The following TLN2 variants were observed in gnomAD, a reference collection of about 807,000 sequenced individuals.
TLN2 encodes the protein talin-2.
In TLN2, 118 loss-of-function variants were observed where a neutral mutation model predicts 294.7. That is an observed-to-expected ratio of 0.40 (90% CI 0.34 to 0.47). The LOEUF (loss-of-function observed/expected upper bound fraction) is 0.47, where lower values mean the gene tolerates loss of function less well. TLN2 is among the 20% of genes least tolerant of loss of function. The probability of loss-of-function intolerance (pLI) is 0.84; values close to 1 mark genes in which losing one functional copy is unlikely to be tolerated. For synonymous variants in TLN2, 1,431 were observed against 1,304.5 expected (o/e 1.10, Z -2.09); for missense variants, 3,083 against 3,282.2 (o/e 0.94, Z 1.48).
At position 62,762,338 on chromosome 15, in the gene TLN2, A is replaced by T; in HGVS notation, c.4846A>T (p.Ile1616Phe). 6.2e-7 allele frequency: 1 copy of T among 1,614,170 alleles called. No individual in the cohort carries two copies. Reference sequence around the variant, plus strand: ...CATGCTGGAGAGTTCATCGTACCTCATTCGCACTGCACGCTCTCTGGCCAT... The same window carrying T: ...CATGCTGGAGAGTTCATCGTACCTCTTTCGCACTGCACGCTCTCTGGCCAT... Reference protein sequence around the residue: ...KTMLESSSYLIRTARSLAINP... With the variant: ...KTMLESSSYLFRTARSLAINP... The change falls in exon 39 of 59, where the codon ATT becomes TTT. Residue 1616 changes from isoleucine to phenylalanine, a missense_variant. Transcript: ENST00000636159.
At chr15:62,767,273 A>C (rs1305322030) in intron 41 of TLN2, among the ~76,000 whole-genome samples, 1 of 152,164 alleles carries the variant, frequency 6.6e-6, no homozygotes, top group Non-Finnish European at 1.5e-5. Context: ...TGAAATCTCA[A>C]AGGCCAGTGT....
chr15:62,599,744 C>T (rs953175013), intron 2 of TLN2, among the ~76,000 whole-genome samples: 5 of 152,104 alleles, frequency 3.3e-5, no homozygotes, highest in Admixed American at 2.6e-4. Flanking sequence ...CCAGGTGGTC[C>T]GGATGCTTGG....
chr15:62,498,506 A>T (rs2140424129), intron 1 of TLN2, among the ~76,000 whole-genome samples: 1 of 152,254 alleles, frequency 6.6e-6, no homozygotes, highest in Non-Finnish European at 1.5e-5. Flanking sequence ...AGGCAAAAGT[A>T]TCTGGATTTC....
chr15:62,499,606 CTTCT>C (rs1000525513), intron 1 of TLN2, among the ~76,000 whole-genome samples: 2 of 152,050 alleles, frequency 1.3e-5, no homozygotes, highest in African/African-American at 2.4e-5. Flanking sequence ...CAAGGTTTCT[CTTCT>C]TTGTTTTTGA....
chr15:62,726,140 G>A (rs1007973678), intron 27 of TLN2, among the ~76,000 whole-genome samples: 19 of 152,152 alleles, frequency 1.2e-4, no homozygotes, highest in Non-Finnish European at 2.4e-4. Flanking sequence ...AGAGAGGCTG[G>A]CATGACATGT....
At chr15:62,409,864 C>T (rs887781258) in intron 1 of TLN2, among the ~76,000 whole-genome samples, 21 of 152,160 alleles carry the variant, frequency 1.4e-4, no homozygotes, top group African/African-American at 5.1e-4. Context: ...GCAGATGTTT[C>T]CACAAATGAA....
intron 11 of TLN2, among the ~76,000 whole-genome samples, chr15:62,679,939 T>G (rs372544487): frequency 1.4e-4 from 22 of 152,356 alleles, no homozygotes; most frequent in African/African-American, 4.3e-4. Flanking sequence ...AGTGCTATTC[T>G]TCCTCCATCG....
chr15:62,551,197 G>A (rs2042277367), intron 1 of TLN2, among the ~76,000 whole-genome samples: 2 of 152,126 alleles, frequency 1.3e-5, no homozygotes, highest in African/African-American at 4.8e-5. Flanking sequence ...GTGATGGGGA[G>A]CAGTTGTAAA....
intron 1 of TLN2, among the ~76,000 whole-genome samples, chr15:62,513,871 T>C (rs1019585736): frequency 6.6e-6 from 1 of 152,246 alleles, no homozygotes; most frequent in Non-Finnish European, 1.5e-5. Flanking sequence ...TAAAAGCCTG[T>C]AGCCTTGTGT....
intron 1 of TLN2, among the ~76,000 whole-genome samples, chr15:62,529,126 C>T (rs1052992395): frequency 1.3e-5 from 2 of 151,276 alleles, no homozygotes; most frequent in African/African-American, 2.4e-5. Flanking sequence ...GACAGCTTTG[C>T]TCTGTTGCCC....
Position 62,546,293 on chromosome 15 carries a change from A to G in TLN2, c.-237-43394A>G, listed in dbSNP as rs555320403. 3.0e-4 allele frequency among the ~76,000 whole-genome samples: 45 copies of G among 152,296 alleles called. No individual in the cohort carries two copies. The South Asian group carries it at 3.5e-3, about 12-fold the overall frequency. ...TTTTCCTTTAAGAAGCCTCCAGACA[A>G]GTGAGCTGGGGCACGGCTAATCTTC... On this transcript the variant is annotated intron_variant, in intron 1 of 58. Coordinates refer to ENST00000636159, the MANE Select transcript of TLN2 (RefSeq NM_015059.3).
At chr15:62,522,472 A>C (rs1286925396) in intron 1 of TLN2, among the ~76,000 whole-genome samples, 1 of 152,202 alleles carries the variant, frequency 6.6e-6, no homozygotes, top group African/African-American at 2.4e-5. Context: ...CACAACTGGC[A>C]TATGGATAGG....
rs942804533 is a variant in TLN2, at chr15:62,756,689, G to C, written c.4638+996G>C. On this transcript the variant is annotated intron_variant, in intron 37 of 58. Transcript: ENST00000636159. ...TCCTAGAGTAAGAGAAGTTTTCCCA[G>C]TTCTCTCCAGAGGATAGGACACTGC... Among the ~76,000 whole-genome samples, 9 of 152,220 alleles carry C rather than the reference G, an allele frequency of 5.9e-5. 1 individual carries two copies. The South Asian group carries it at 1.9e-3, about 32-fold the overall frequency.
Position 62,840,803 on chromosome 15 carries a change from T to TCCCGGGTGAGCCTGGAGCCCTGC in TLN2, c.*193_*194insCCCGGGTGAGCCTGGAGCCCTGC. ...ATGATCGTGATGTCACACGGTACAA[T>TCCCGGGTGAGCCTGGAGCCCTGC]GTCCTACCCACAACTCCTCTGCCGC... On this transcript the variant is annotated 3_prime_UTR_variant, in exon 59 of 59. Transcript: ENST00000636159. 1.4e-6 allele frequency: 1 copy of TCCCGGGTGAGCCTGGAGCCCTGC among 716,742 alleles called. No homozygotes were observed. Among genetic ancestry groups the TCCCGGGTGAGCCTGGAGCCCTGC allele is most frequent in the Non-Finnish European group, 2.2e-6 (1 of 460,446 alleles). The allele number at this position is 716,742 out of a possible 1,614,324, so 44.4% of individuals were successfully genotyped here.
intron 57 of TLN2, among the ~76,000 whole-genome samples, chr15:62,837,925 G>T (rs546910338): frequency 5.3e-5 from 8 of 152,164 alleles, no homozygotes; most frequent in Non-Finnish European, 1.2e-4. Flanking sequence ...ACAAGCCTTC[G>T]ACTCTGAGGG....
chr15:62,523,121 T>C (rs1372197031), intron 1 of TLN2, among the ~76,000 whole-genome samples: 2 of 152,182 alleles, frequency 1.3e-5, no homozygotes, highest in African/African-American at 4.8e-5. Context: ...ATGCCAAATA[T>C]TTCTCAGGAC....
Position 62,761,776 on chromosome 15 carries a change from C to G in TLN2, c.4734C>G (p.Ala1578=), listed in dbSNP as rs550265699. The change falls in exon 38 of 59, where the codon GCC becomes GCG. Residue 1578 remains alanine (A), a synonymous_variant. Transcript: ENST00000636159. Reference sequence around the variant, plus strand: ...CTGTGGAGAACCTGACAGCGTTCGCCTCAAACCCTGAGTTTGTCAGCATTC... The same window carrying G: ...CTGTGGAGAACCTGACAGCGTTCGCGTCAAACCCTGAGTTTGTCAGCATTC... The part of the protein sequence containing the change: ...IEAVENLTAF[A]SNPEFVSIPA... 9 of 1,614,150 alleles carry G rather than the reference C, an allele frequency of 5.6e-6. No homozygotes were observed. Among genetic ancestry groups the G allele is most frequent in the Admixed American group, 3.3e-5 (2 of 60,018 alleles).
chr15:62,669,061 A>G (rs2055076949), intron 9 of TLN2, among the ~76,000 whole-genome samples: 1 of 152,244 alleles, frequency 6.6e-6, no homozygotes, highest in Non-Finnish European at 1.5e-5. Context: ...TGAACCATGC[A>G]TAATGCATCA....
chr15:62,588,542 G>A (rs2045815246), intron 1 of TLN2, among the ~76,000 whole-genome samples: 1 of 151,212 alleles, frequency 6.6e-6, no homozygotes, highest in East Asian at 2.0e-4. Context: ...TGAAGCAGGA[G>A]AGTTGCTTGG....
Sources: gnomAD v4.1 joint callset for allele counts (sites outside exome capture counted in the v4.1 genomes callset) on GRCh38, gnomAD v4.1.1 for gene constraint, MANE v1.5 for transcripts, NCBI Gene and HGNC (gene_info 2026-07-23, HGNC 2026-07-21) for gene names.